NTAQ1: variants seen among roughly 807,000 people sequenced by gnomAD.
NTAQ1 encodes protein N-terminal glutamine amidohydrolase.
Under a neutral mutation model 28.2 loss-of-function variants are expected in NTAQ1, and 21 were observed. The ratio of observed to expected loss-of-function variants is 0.74; its 90% CI spans 0.53 to 1.07. NTAQ1 has a LOEUF of 1.07. Among genes scored for constraint, NTAQ1 ranks in the 50% least tolerant of loss-of-function variants. The pLI, the probability that NTAQ1 is intolerant of heterozygous loss-of-function variation, is 0.00. For synonymous variants in NTAQ1, 105 were observed against 90.0 expected, an observed-to-expected ratio of 1.17 and a Z score of -0.94; for missense variants, 264 against 256.6, an observed-to-expected ratio of 1.03 and a Z score of -0.20.
At chr8:123,443,064 G>C (rs572057039), downstream of NTAQ1, among the ~76,000 whole-genome samples, 164 of 151,538 alleles carry the variant, frequency 1.1e-3, no homozygotes, top group African/African-American at 3.6e-3. Context: ...CTGTCGCCCA[G>C]GCTGGAGTGC....
At chr8:123,474,760 G>A (rs1432087860), downstream of NTAQ1, among the ~76,000 whole-genome samples, 4 of 152,106 alleles carry the variant, frequency 2.6e-5, no homozygotes, top group African/African-American at 4.8e-5. Flanking sequence ...GGTGGTGTGC[G>A]CCTATAATCC....
intron 3 of NTAQ1, chr8:123,435,401 G>A: frequency 1.6e-5 from 14 of 894,986 alleles, no homozygotes; most frequent in Non-Finnish European, 1.9e-5. Flanking sequence ...TTGCAAAAGT[G>A]GTTCCAAACT....
intron 6 of NTAQ1, among the ~76,000 whole-genome samples, chr8:123,455,698 T>C (rs979927196): frequency 1.3e-5 from 2 of 152,072 alleles, no homozygotes; most frequent in African/African-American, 4.8e-5. Context: ...GTGCTGAGAT[T>C]ACAGGCATGA....
downstream of NTAQ1, among the ~76,000 whole-genome samples, chr8:123,442,956 C>G (rs536189818): frequency 1.6e-4 from 25 of 152,104 alleles, no homozygotes; most frequent in South Asian, 2.9e-3. Context: ...GCATGAGCCA[C>G]CGCGCCCGGC....
chr8:123,432,251 A>T (rs905554071), intron 3 of NTAQ1, among the ~76,000 whole-genome samples: 48 of 152,336 alleles, frequency 3.2e-4, no homozygotes, highest in African/African-American at 1.1e-3. Flanking sequence ...GTGTAGCCAG[A>T]CTACATATTG....
chr8:123,430,223 C>G (rs1300607746), intron 3 of NTAQ1, among the ~76,000 whole-genome samples, 190 bp downstream of exon 3: 1 of 152,150 alleles, frequency 6.6e-6, no homozygotes, highest in Non-Finnish European at 1.5e-5. Flanking sequence ...TTTCTTTTAA[C>G]TTTTTGTTTT....
At chr8:123,448,991 G>A (rs1815383156), downstream of NTAQ1, among the ~76,000 whole-genome samples, 2 of 152,218 alleles carry the variant, frequency 1.3e-5, no homozygotes, top group African/African-American at 4.8e-5. Context: ...GTTCCTTGAT[G>A]GCAGGTGCCA....
intron 6 of NTAQ1, among the ~76,000 whole-genome samples, chr8:123,460,065 G>T (rs561436912): frequency 2.0e-5 from 3 of 152,158 alleles, no homozygotes; most frequent in East Asian, 1.9e-4. Flanking sequence ...CCCCCAAAGG[G>T]CTGGGATTAC....
rs1314092330 is a variant in NTAQ1, at chr8:123,438,050, T to A, written c.508+716T>A. On this transcript the variant is annotated intron_variant, in intron 5 of 5. Transcript: ENST00000287387. ...CCTTATGATGTGTGAAATGTCACTT[T>A]GGCTATATAATAAAATCTGCATTAG... 5 of 635,502 alleles carry A rather than the reference T, an allele frequency of 7.9e-6. No individual in the cohort carries two copies. In the East Asian group the frequency reaches 1.4e-4, roughly 18 times the overall value. The allele number at this position is 635,502 out of a possible 1,614,324, so 39.4% of individuals were successfully genotyped here.
At chr8:123,473,957 T>C (rs548006289), downstream of NTAQ1, among the ~76,000 whole-genome samples, 1 of 152,328 alleles carries the variant, frequency 6.6e-6, no homozygotes, top group Non-Finnish European at 1.5e-5. Context: ...TTAATATCAT[T>C]GGTATGCAAG....
At chr8:123,423,389 C>T (rs186262690) in intron 1 of NTAQ1, among the ~76,000 whole-genome samples, 21 of 147,534 alleles carry the variant, frequency 1.4e-4, no homozygotes, top group South Asian at 1.3e-3. Flanking sequence ...CTCCCTTTCC[C>T]TCCTTTTCCT....
rs543575778 is a variant in NTAQ1, at chr8:123,455,996, G to A, written c.373-11083G>A. ...AAATGTGCTAATACTCTTGATTTAG[G>A]CATCTGGTCAGGTGGGGGAATATTG... On this transcript the variant is annotated intron_variant, in intron 6 of 6. Coordinates refer to the NTAQ1 transcript ENST00000650311. Among the ~76,000 whole-genome samples the A allele has an allele frequency of 1.1e-4, 17 of 152,178 alleles. No homozygotes were observed. The East Asian group carries it at 3.1e-3, about 28-fold the overall frequency.
intron 1 of NTAQ1, among the ~76,000 whole-genome samples, chr8:123,424,032 G>T (rs1356622280): frequency 6.7e-6 from 1 of 148,422 alleles, no homozygotes; most frequent in East Asian, 2.0e-4. Flanking sequence ...ATAGGTGCAT[G>T]CTCCTACGCC....
rs540021647 is a variant in NTAQ1, at chr8:123,441,053, TG to T, written c.509-252del. On this transcript the variant is annotated intron_variant, in intron 5 of 5. Coordinates refer to ENST00000287387, the MANE Select transcript of NTAQ1 (RefSeq NM_018024.3). ...TAGCCAAAGACTCGGGGGTCCCCTC[TG>T]CTGATCTTTGGAGCTCTGACTCTCT... Among the ~76,000 whole-genome samples, 14 of 152,256 alleles carry T rather than the reference TG, an allele frequency of 9.2e-5. No homozygotes were observed. In the South Asian group the frequency reaches 2.9e-3, roughly 32 times the overall value.
chr8:123,464,102 A>G (rs916573209), intron 6 of NTAQ1, among the ~76,000 whole-genome samples: 3 of 152,158 alleles, frequency 2.0e-5, no homozygotes, highest in Non-Finnish European at 4.4e-5. Context: ...GGAACTGTGA[A>G]TCCATTAAAC....
At chr8:123,445,576 A>G (rs1460497920), downstream of NTAQ1, among the ~76,000 whole-genome samples, 1 of 152,164 alleles carries the variant, frequency 6.6e-6, no homozygotes, top group Non-Finnish European at 1.5e-5. Flanking sequence ...GTCTTCATAA[A>G]AATTTCCAAG....
At chr8:123,437,009 G>T (rs1225476763) in intron 4 of NTAQ1, among the ~76,000 whole-genome samples, 2 of 152,032 alleles carry the variant, frequency 1.3e-5, no homozygotes. Flanking sequence ...ATATTTTTGT[G>T]CCTTTGCCTT....
chr8:123,440,099 A>G (rs1327001391), intron 5 of NTAQ1, among the ~76,000 whole-genome samples: 2 of 148,442 alleles, frequency 1.3e-5, no homozygotes, highest in Admixed American at 6.7e-5. Flanking sequence ...GCCTCCCAAA[A>G]TACTGAGATT....
intron 2 of NTAQ1, 22 bp from the exon 3 acceptor site, chr8:123,429,961 C>A (rs376256758): frequency 2.3e-5 from 36 of 1,567,154 alleles, no homozygotes; most frequent in Non-Finnish European, 2.9e-5. Flanking sequence ...GTATGGCTTA[C>A]GAAATGTATT....
Sources: gnomAD v4.1 joint callset for allele counts (sites outside exome capture counted in the v4.1 genomes callset) on GRCh38, gnomAD v4.1.1 for gene constraint, MANE v1.5 for transcripts, NCBI Gene and HGNC (gene_info 2026-07-23, HGNC 2026-07-21) for gene names.